Variants in SKAP2 observed in about 807,000 individuals in gnomAD.
The protein encoded by SKAP2 is src kinase associated phosphoprotein 2.
SKAP2 carries 28 observed loss-of-function variants against 54.9 expected under a neutral mutation model. The ratio of observed to expected loss-of-function variants is 0.51; its 90% CI spans 0.38 to 0.70. The LOEUF is 0.70. Among genes scored for constraint, SKAP2 ranks in the 30% least tolerant of loss-of-function variants. The pLI is 0.00. For missense variants in SKAP2, 356 were observed against 424.1 expected (o/e 0.84, Z 1.41); for synonymous variants, 137 against 134.3 (o/e 1.02, Z -0.14).
At position 26,738,804 on chromosome 7, in the gene SKAP2, T is replaced by C. The variant is rs1398840169; in HGVS notation, c.460A>G (p.Ser154Gly). 2 of 1,589,416 alleles carry C rather than the reference T, an allele frequency of 1.3e-6. No individual in the cohort carries two copies. The highest frequency in any genetic ancestry group is 1.1e-5 in the South Asian group (1 of 90,520). The change falls in exon 6 of 13, where the codon AGT becomes GGT. Residue 154 changes from serine (S) to glycine (G), a missense_variant. Transcript: ENST00000345317. ...TGAACACCAACATTACCTTTATCAC[T>C]TCCATAATAATAGAATACCGTTTTA... ...LSKTVFYYYG[S>G]DKDKQQKGEF...
chr7:26,789,545 T>TA (rs1201938163), intron 4 of SKAP2, among the ~76,000 whole-genome samples: 1 of 152,260 alleles, frequency 6.6e-6, no homozygotes, highest in East Asian at 1.9e-4. Context: ...CAGTGTTTTT[T>TA]AAATGTGTAT....
chr7:26,832,136 C>T (rs1359151607), intron 4 of SKAP2, among the ~76,000 whole-genome samples: 2 of 152,176 alleles, frequency 1.3e-5, no homozygotes, highest in Admixed American at 6.5e-5. Flanking sequence ...CTTCTTTAAC[C>T]TCTTAGAGTA....
At chr7:26,729,343 A>G (rs1421516892) in intron 6 of SKAP2, among the ~76,000 whole-genome samples, 1 of 152,212 alleles carries the variant, frequency 6.6e-6, no homozygotes. Context: ...TACAGATGCC[A>G]TAAAAATATT....
chr7:26,701,493 G>A (rs567131845), intron 9 of SKAP2, among the ~76,000 whole-genome samples: 3 of 152,264 alleles, frequency 2.0e-5, no homozygotes, highest in Non-Finnish European at 4.4e-5. Context: ...AGCACTTTGG[G>A]AGGCCAAGGC....
chr7:26,851,048 G>T (rs945518152), intron 3 of SKAP2, among the ~76,000 whole-genome samples: 4 of 151,726 alleles, frequency 2.6e-5, no homozygotes, highest in Non-Finnish European at 5.9e-5. Flanking sequence ...CCAAAAAAAT[G>T]GAAATACCAA....
intron 4 of SKAP2, among the ~76,000 whole-genome samples, chr7:26,766,464 T>A (rs1783058850): frequency 6.6e-6 from 1 of 152,218 alleles, no homozygotes; most frequent in Admixed American, 6.5e-5. Context: ...ACCCTTTATT[T>A]CTTTCTCTTG....
chr7:26,656,234 C>T, the SKAP2 span, among the ~76,000 whole-genome samples: 4 of 152,176 alleles, frequency 2.6e-5, no homozygotes, highest in African/African-American at 9.7e-5. Flanking sequence ...AGCTAAAATT[C>T]AATACCTTCT....
At chr7:26,728,119 C>T (rs527898075) in intron 6 of SKAP2, among the ~76,000 whole-genome samples, 25 of 152,224 alleles carry the variant, frequency 1.6e-4, no homozygotes, top group African/African-American at 5.8e-4. Context: ...ACTCTAATCA[C>T]ATTTAGTCAT....
intron 3 of SKAP2, among the ~76,000 whole-genome samples, chr7:26,844,595 T>C (rs761877789): frequency 6.6e-6 from 1 of 152,286 alleles, no homozygotes; most frequent in Non-Finnish European, 1.5e-5. Flanking sequence ...GAGAAACTAA[T>C]AATTTGAAGC....
At chr7:26,718,420 G>T (rs964283616) in intron 9 of SKAP2, among the ~76,000 whole-genome samples, 21 of 152,058 alleles carry the variant, frequency 1.4e-4, no homozygotes, top group African/African-American at 4.6e-4. Flanking sequence ...AGGCAAAAAA[G>T]GAACAAAAAG....
chr7:26,720,051 AACACACACACACACACACACACACACAC>A (rs57945020), intron 9 of SKAP2, among the ~76,000 whole-genome samples: 2 of 141,718 alleles, frequency 1.4e-5, no homozygotes, highest in Non-Finnish European at 3.1e-5. Flanking sequence ...ACATATCTGT[AACACACACACACACACACACACACACAC>A]ACACACACAC....
At chr7:26,702,845 G>A (rs1787068065) in intron 9 of SKAP2, among the ~76,000 whole-genome samples, 1 of 152,200 alleles carries the variant, frequency 6.6e-6, no homozygotes, top group South Asian at 2.1e-4. Flanking sequence ...TCTGCAATAT[G>A]AGGTAACTTC....
intron 4 of SKAP2, among the ~76,000 whole-genome samples, chr7:26,805,746 C>T (rs1784012497): frequency 6.6e-6 from 1 of 152,202 alleles, no homozygotes. Flanking sequence ...AAGCCAGAGA[C>T]TGCTAAGCCA....
At chr7:26,666,575 C>A (rs1395313974), downstream of SKAP2, among the ~76,000 whole-genome samples, 1 of 152,018 alleles carries the variant, frequency 6.6e-6, no homozygotes, top group Non-Finnish European at 1.5e-5. Context: ...TGAAACAAAA[C>A]AAAACATGAA....
At chr7:26,773,071 C>T (rs1274494369) in intron 4 of SKAP2, among the ~76,000 whole-genome samples, 1 of 152,180 alleles carries the variant, frequency 6.6e-6, no homozygotes, top group Non-Finnish European at 1.5e-5. Context: ...CAGAAATACA[C>T]TCTGCATGGT....
At chr7:26,664,239 A>G (rs191993336), downstream of SKAP2, among the ~76,000 whole-genome samples, 1 of 152,344 alleles carries the variant, frequency 6.6e-6, no homozygotes, top group Non-Finnish European at 1.5e-5. Context: ...TAATCGGGAA[A>G]ATGGTAATGA....
chr7:26,796,182 A>G (rs1783774188), intron 4 of SKAP2, among the ~76,000 whole-genome samples: 1 of 152,224 alleles, frequency 6.6e-6, no homozygotes, highest in African/African-American at 2.4e-5. Flanking sequence ...AAAAGTCAAC[A>G]CAAATGTAAA....
At chr7:26,723,668 A>C (rs1787630319) in intron 9 of SKAP2, among the ~76,000 whole-genome samples, 1 of 152,144 alleles carries the variant, frequency 6.6e-6, no homozygotes, top group African/African-American at 2.4e-5. Context: ...TGTTATGAAA[A>C]TAACTATGAA....
intron 1 of SKAP2, among the ~76,000 whole-genome samples, chr7:26,858,322 A>T (rs997973020): frequency 3.9e-5 from 6 of 152,162 alleles, no homozygotes; most frequent in African/African-American, 1.4e-4. Context: ...TATCCTGGTG[A>T]AAGTAAACGT....
Sources: allele counts gnomAD v4.1 joint callset (sites outside exome capture counted in the v4.1 genomes callset), GRCh38; gene constraint gnomAD v4.1.1; transcripts MANE v1.5; gene names NCBI Gene and HGNC (gene_info 2026-07-23, HGNC 2026-07-21).